Variants in TRPM3 observed in about 807,000 individuals in gnomAD.
TRPM3 encodes the protein transient receptor potential cation channel subfamily M member 3, also known as long transient receptor potential channel 3.
In TRPM3, 77 loss-of-function variants were observed where a neutral mutation model predicts 181.2. The ratio of observed to expected loss-of-function variants is 0.42; its 90% CI spans 0.35 to 0.51. The LOEUF (loss-of-function observed/expected upper bound fraction) is 0.51, where lower values mean the gene tolerates loss of function less well. TRPM3 is among the 20% of genes least tolerant of loss of function. The pLI is 0.01. For synonymous variants in TRPM3, 745 were observed against 796.4 expected (o/e 0.94, Z 1.09); for missense variants, 1,759 against 2,196.7 (o/e 0.80, Z 3.98).
rs148355964 is a variant in TRPM3 at position 70,818,119 on chromosome 9, C to T, written c.973+9728G>A. ...CGCTAGATAACCTCTGTCAGATTCC[C>T]ATGACAAATTGTCTTCATCATTTAA... On this transcript the variant is annotated intron_variant, in intron 6 of 25. Transcript: ENST00000677713. 3.4e-4 allele frequency among the ~76,000 whole-genome samples: 52 copies of T among 152,202 alleles called. 1 individual carries two copies. The East Asian group carries it at 3.9e-3, about 11-fold the overall frequency.
chr9:71,325,462 G>GA (rs895226931), intron 1 of TRPM3, among the ~76,000 whole-genome samples: 3 of 150,778 alleles, frequency 2.0e-5, no homozygotes, highest in South Asian at 2.1e-4. Flanking sequence ...TTTCACAGGT[G>GA]AAAAAAAAAT....
intron 1 of TRPM3, among the ~76,000 whole-genome samples, chr9:71,199,664 G>A (rs1222694541): frequency 6.6e-6 from 1 of 152,036 alleles, no homozygotes; most frequent in Non-Finnish European, 1.5e-5. Flanking sequence ...TTTGCGTAGA[G>A]GTGTTTGTAG....
intron 1 of TRPM3, among the ~76,000 whole-genome samples, chr9:71,189,776 A>G (rs1405506405): frequency 2.6e-5 from 4 of 151,878 alleles, no homozygotes; most frequent in Non-Finnish European, 5.9e-5. Context: ...ATATGTCTCA[A>G]GTCAGCTCTT....
chr9:70,836,927 A>T (rs571865204), intron 5 of TRPM3, among the ~76,000 whole-genome samples: 4 of 152,220 alleles, frequency 2.6e-5, no homozygotes, highest in Admixed American at 6.5e-5. Context: ...CAACATGCCC[A>T]GATCCAAACT....
At chr9:71,064,965 C>G (rs545783580) in intron 1 of TRPM3, among the ~76,000 whole-genome samples, 5 of 152,162 alleles carry the variant, frequency 3.3e-5, no homozygotes, top group Non-Finnish European at 7.4e-5. Flanking sequence ...TATATAGGCA[C>G]ATTAGGAGGA....
At chr9:70,845,488 C>A (rs1357518027) in intron 4 of TRPM3, among the ~76,000 whole-genome samples, 4 of 152,144 alleles carry the variant, frequency 2.6e-5, no homozygotes, top group Admixed American at 6.5e-5. Context: ...GATCCCCCTG[C>A]CTCGGCCTCC....
chr9:70,603,126 A>G (rs539921218), intron 20 of TRPM3, among the ~76,000 whole-genome samples: 3 of 152,124 alleles, frequency 2.0e-5, no homozygotes, highest in Admixed American at 6.5e-5. Flanking sequence ...CAGAGAATAG[A>G]CCAAATCCTA....
intron 12 of TRPM3, among the ~76,000 whole-genome samples, chr9:70,629,219 G>C (rs987634105): frequency 1.5e-4 from 11 of 73,864 alleles, no homozygotes; most frequent in African/African-American, 4.4e-4. Context: ...CAGTGCCGGG[G>C]GGGGGGGGGG....
At chr9:70,856,903 T>C (rs1434661990) in intron 3 of TRPM3, among the ~76,000 whole-genome samples, 2 of 152,146 alleles carry the variant, frequency 1.3e-5, no homozygotes, top group African/African-American at 2.4e-5. Flanking sequence ...TTGGAAGAGA[T>C]GACTAGTAAG....
At chr9:71,433,658 T>C (rs2093990272) in intron 1 of TRPM3, among the ~76,000 whole-genome samples, 1 of 152,184 alleles carries the variant, frequency 6.6e-6, no homozygotes, top group South Asian at 2.1e-4. Flanking sequence ...AGCTCAAAAC[T>C]TTCCCACAGA....
chr9:71,163,683 C>T lies in TRPM3; in HGVS notation c.183+282970G>A, dbSNP rs188438645. Among the ~76,000 whole-genome samples, 153 of 152,164 alleles carry T rather than the reference C, an allele frequency of 1.0e-3. 1 individual carries two copies. The highest frequency in any genetic ancestry group is 1.7e-3 in the Non-Finnish European group (116 of 68,014). On this transcript the variant is annotated intron_variant, in intron 1 of 24. Coordinates refer to the TRPM3 transcript ENST00000357533. ...TGGAAGCCATGGGCGAGGATAAGCA[C>T]ATCTAAGATATAAAGTAAGATAACC...
At chr9:70,863,202 G>C in intron 2 of TRPM3, 90 bp from the exon 3 acceptor site, 2 of 1,081,294 alleles carry the variant, frequency 1.8e-6, no homozygotes. Flanking sequence ...TCTATAGTCT[G>C]TGCCAACACC....
chr9:71,418,928 G>GTATA lies in TRPM3; in HGVS notation c.183+27721_183+27724dup, dbSNP rs368413842. ...TGTGTGTATATATATGTGTGTGTGT[G>GTATA]TATATATATATATGTATTATATATA... On this transcript the variant is annotated intron_variant, in intron 1 of 24. Transcript: ENST00000357533. 5.0e-3 allele frequency among the ~76,000 whole-genome samples: 729 copies of GTATA among 144,714 alleles called. 4 individuals are homozygous for GTATA. The highest frequency in any genetic ancestry group is 0.015 in the African/African-American group (589 of 39,600). 94.9% of individuals were successfully genotyped at this position (144,714 alleles called of 152,430 possible).
At chr9:71,253,730 T>C (rs992418212) in intron 1 of TRPM3, among the ~76,000 whole-genome samples, 2 of 152,098 alleles carry the variant, frequency 1.3e-5, no homozygotes, top group African/African-American at 4.8e-5. Context: ...GAAATCAGTA[T>C]GTCAAAGAGA....
chr9:71,310,492 T>C (rs1588427874), intron 1 of TRPM3, among the ~76,000 whole-genome samples: 1 of 152,162 alleles, frequency 6.6e-6, no homozygotes. Flanking sequence ...GGGTAAATTA[T>C]CAGGCTCTTT....
At chr9:70,635,693 C>T (rs980812772) in intron 11 of TRPM3, among the ~76,000 whole-genome samples, 2 of 151,744 alleles carry the variant, frequency 1.3e-5, no homozygotes, top group Admixed American at 6.6e-5. Context: ...AATTCCTGGC[C>T]TCAAGCAATC....
chr9:71,295,838 CA>C (rs11383819), intron 1 of TRPM3, among the ~76,000 whole-genome samples: 1,509 of 86,638 alleles, frequency 0.017, 15 homozygotes, highest in African/African-American at 0.049. Context: ...GATCCCGTCT[CA>C]AAAAAAAAAA....
chr9:70,887,824 T>A (rs2096117756), intron 1 of TRPM3, among the ~76,000 whole-genome samples: 1 of 152,200 alleles, frequency 6.6e-6, no homozygotes, highest in South Asian at 2.1e-4. Flanking sequence ...ACAAAGACTT[T>A]AATTTGGGCA....
intron 1 of TRPM3, among the ~76,000 whole-genome samples, chr9:71,373,312 A>AG (rs2092577750): frequency 3.8e-5 from 1 of 26,188 alleles, no homozygotes; most frequent in Non-Finnish European, 1.1e-4. Flanking sequence ...AAAAACCCTT[A>AG]AAAAAAAAAA....
Sources: allele counts gnomAD v4.1 joint callset (sites outside exome capture counted in the v4.1 genomes callset), GRCh38; gene constraint gnomAD v4.1.1; transcripts MANE v1.5; gene names NCBI Gene and HGNC (gene_info 2026-07-23, HGNC 2026-07-21).